THSD4: variants seen among roughly 807,000 people sequenced by gnomAD.
The protein encoded by THSD4 is thrombospondin type 1 domain containing 4.
In THSD4, 69 loss-of-function variants were observed where a neutral mutation model predicts 119.0. The observed-to-expected ratio is 0.58, with a 90% CI of 0.48 to 0.71. The LOEUF (loss-of-function observed/expected upper bound fraction) is 0.71, where lower values mean the gene tolerates loss of function less well. THSD4 is among the 30% of genes least tolerant of loss of function. The pLI, the probability that THSD4 is intolerant of heterozygous loss-of-function variation, is 0.00. For missense variants in THSD4, 1,393 were observed against 1,391.1 expected (o/e 1.00, Z -0.02); for synonymous variants, 524 against 540.4 (o/e 0.97, Z 0.42).
intron 7 of THSD4, among the ~76,000 whole-genome samples, chr15:71,444,932 C>T (rs1031195444): frequency 6.6e-6 from 1 of 152,186 alleles, no homozygotes; most frequent in African/African-American, 2.4e-5. Flanking sequence ...CCATTGTCCA[C>T]AGATAAAAGT....
chr15:71,642,815 G>T (rs1595820233), intron 7 of THSD4, among the ~76,000 whole-genome samples: 1 of 152,068 alleles, frequency 6.6e-6, no homozygotes, highest in African/African-American at 2.4e-5. Context: ...TGGGGGGAGT[G>T]GGGAGGGATA....
At chr15:71,182,198 G>A (rs926831815) in intron 3 of THSD4, among the ~76,000 whole-genome samples, 1 of 151,614 alleles carries the variant, frequency 6.6e-6, no homozygotes, top group African/African-American at 2.4e-5. Context: ...TTCTATATAT[G>A]AATATTTCTT....
At chr15:71,120,158 C>T (rs563898895) in intron 1 of THSD4, among the ~76,000 whole-genome samples, 2 of 152,314 alleles carry the variant, frequency 1.3e-5, no homozygotes, top group East Asian at 3.9e-4. Flanking sequence ...TATTCAAACC[C>T]AGCAAATGAA....
At chr15:71,457,497 T>A (rs2047357264) in intron 7 of THSD4, among the ~76,000 whole-genome samples, 1 of 151,958 alleles carries the variant, frequency 6.6e-6, no homozygotes, top group South Asian at 2.1e-4. Context: ...GTCTCCTTGC[T>A]GTGGACAACA....
chr15:71,643,600 C>T (rs773501627), intron 7 of THSD4, among the ~76,000 whole-genome samples: 8 of 152,108 alleles, frequency 5.3e-5, no homozygotes, highest in African/African-American at 1.2e-4. Flanking sequence ...CTAAGGTTGA[C>T]GGCCTCCAGC....
chr15:71,268,152 T>A (rs2044484683), intron 6 of THSD4, among the ~76,000 whole-genome samples: 1 of 152,154 alleles, frequency 6.6e-6, no homozygotes, highest in South Asian at 2.1e-4. Context: ...ATTAACAGAA[T>A]ATACATTCTT....
intron 6 of THSD4, among the ~76,000 whole-genome samples, chr15:71,366,931 C>G (rs2045972699): frequency 6.6e-6 from 1 of 152,216 alleles, no homozygotes; most frequent in Admixed American, 6.5e-5. Flanking sequence ...CCTGACCCTT[C>G]TCCTTGGCAG....
chr15:71,739,064 C>A (rs1370475581), intron 11 of THSD4, among the ~76,000 whole-genome samples: 1 of 147,000 alleles, frequency 6.8e-6, no homozygotes, highest in Non-Finnish European at 1.5e-5. Context: ...ACACAAATCC[C>A]AGTTGAAACT....
At position 71,223,040 on chromosome 15, in the gene THSD4, C is replaced by T. The variant is rs142030165; in HGVS notation, c.464+7641C>T. ...GATAACTCACACCACATGCTTAGCA[C>T]AGTATCTCCTGAGTGCTCAGTAAAG... On this transcript the variant is annotated intron_variant, in intron 4 of 17. Transcript: ENST00000261862. 1.2e-4 allele frequency among the ~76,000 whole-genome samples: 18 copies of T among 152,328 alleles called. 1 individual carries two copies. In the East Asian group the frequency reaches 3.5e-3, roughly 29 times the overall value.
At chr15:71,368,965 C>A (rs1048567354) in intron 6 of THSD4, among the ~76,000 whole-genome samples, 4 of 152,120 alleles carry the variant, frequency 2.6e-5, no homozygotes, top group Non-Finnish European at 5.9e-5. Flanking sequence ...TTTTGTTGAG[C>A]AGTGGTTTGT....
chr15:71,369,656 T>C (rs2046015890), intron 6 of THSD4, among the ~76,000 whole-genome samples: 1 of 152,178 alleles, frequency 6.6e-6, no homozygotes, highest in African/African-American at 2.4e-5. Flanking sequence ...TGGATAAGCT[T>C]TTTGATGTGC....
chr15:71,264,883 A>G (rs2044445996), intron 6 of THSD4, among the ~76,000 whole-genome samples: 1 of 152,164 alleles, frequency 6.6e-6, no homozygotes, highest in African/African-American at 2.4e-5. Context: ...CACACAGCAC[A>G]ATGAATGCTA....
chr15:71,640,399 T>C (rs1483904878), intron 7 of THSD4, among the ~76,000 whole-genome samples: 1 of 152,088 alleles, frequency 6.6e-6, no homozygotes, highest in African/African-American at 2.4e-5. Context: ...TTTCTAATCC[T>C]AAATAGTGAA....
At chr15:71,238,155 C>T (rs1190996893) in intron 4 of THSD4, among the ~76,000 whole-genome samples, 2 of 151,996 alleles carry the variant, frequency 1.3e-5, no homozygotes, top group African/African-American at 2.4e-5. Context: ...TCAATAGGCA[C>T]TCATAGAAGT....
intron 7 of THSD4, among the ~76,000 whole-genome samples, chr15:71,417,097 A>G (rs113259401): frequency 0.49 from 50,876 of 104,412 alleles, 21,432 homozygotes; most frequent in Non-Finnish European, 0.63. Flanking sequence ...TATTTTTCCT[A>G]TAGAGTTGTT....
At chr15:71,535,592 T>C (rs1241455323) in intron 7 of THSD4, among the ~76,000 whole-genome samples, 1 of 152,230 alleles carries the variant, frequency 6.6e-6, no homozygotes, top group Non-Finnish European at 1.5e-5. Flanking sequence ...ACTAGTAGTA[T>C]GTAAGATTTC....
chr15:71,511,548 C>T (rs2048283337), intron 7 of THSD4, among the ~76,000 whole-genome samples: 1 of 152,136 alleles, frequency 6.6e-6, no homozygotes, highest in Admixed American at 6.5e-5. Flanking sequence ...AGAATTAAAA[C>T]GTGGGAAAAC....
chr15:71,160,492 T>A (rs1596232161), intron 3 of THSD4, among the ~76,000 whole-genome samples: 1 of 152,158 alleles, frequency 6.6e-6, no homozygotes, highest in East Asian at 1.9e-4. Flanking sequence ...TTCAACTTCC[T>A]TATATGCTAT....
intron 8 of THSD4, among the ~76,000 whole-genome samples, chr15:71,689,056 C>T (rs1000825578): frequency 1.3e-5 from 2 of 152,210 alleles, no homozygotes; most frequent in Non-Finnish European, 2.9e-5. Context: ...CACTCTGCAA[C>T]TGTATCCATA....
Sources: allele counts gnomAD v4.1 joint callset (sites outside exome capture counted in the v4.1 genomes callset), GRCh38; gene constraint gnomAD v4.1.1; transcripts MANE v1.5; gene names NCBI Gene and HGNC (gene_info 2026-07-23, HGNC 2026-07-21).